C5AR1: variants seen among roughly 807,000 people sequenced by gnomAD.
C5AR1 encodes C5a anaphylatoxin chemotactic receptor 1.
A neutral mutation model predicts 2.4 loss-of-function variants in C5AR1; 4 were observed. That is an observed-to-expected ratio of 1.65 (90% CI 0.81 to 3.77). The LOEUF (loss-of-function observed/expected upper bound fraction) is 3.77. C5AR1 is among the 30% of genes most tolerant of loss of function. The pLI is 0.01. For missense variants in C5AR1, 418 were observed against 462.5 expected (o/e 0.90, Z 0.88); for synonymous variants, 209 against 210.4 (o/e 0.99, Z 0.06).
At chr19:47,314,168 T>C (rs1229205868) in intron 1 of C5AR1, among the ~76,000 whole-genome samples, 1 of 152,182 alleles carries the variant, frequency 6.6e-6, no homozygotes, top group African/African-American at 2.4e-5. Context: ...GTTCCTCTAA[T>C]GAGCATGTGA....
intron 1 of C5AR1, 144 bp from the exon 2 acceptor site, chr19:47,319,637 T>C (rs1330511490): frequency 1.6e-5 from 10 of 630,124 alleles, no homozygotes; most frequent in Middle Eastern, 3.4e-4. Flanking sequence ...TGTGACACCC[T>C]AGTTGACTCT....
Position 47,321,474 on chromosome 19 carries a change from G to T in C5AR1, c.*644G>T, listed in dbSNP as rs201827619. ...AAATACAAAAAATTAACTGGGCATG[G>T]TAGTGGGTGCCTGTAATCCCAGCTA... On this transcript the variant is annotated 3_prime_UTR_variant, in exon 2 of 2. Coordinates refer to ENST00000355085, the MANE Select transcript of C5AR1 (RefSeq NM_001736.4). The T allele has an allele frequency of 9.6e-4, 146 of 151,748 alleles. No homozygotes were observed. The highest frequency in any genetic ancestry group is 1.9e-3 in the Non-Finnish European group (128 of 68,072). 9.4% of individuals were successfully genotyped at this position (151,748 alleles called of 1,614,324 possible). A position where few individuals can be genotyped will look rare whatever the true frequency, so the allele number is the denominator to read the frequency against.
At chr19:47,310,124 T>C (rs544981434) in intron 1 of C5AR1, among the ~76,000 whole-genome samples, 5 of 152,192 alleles carry the variant, frequency 3.3e-5, no homozygotes, top group African/African-American at 1.2e-4. Flanking sequence ...GTCAAGATTG[T>C]GGGAGCAACA....
rs201363451 is a variant in C5AR1 at position 47,320,267 on chromosome 19, G to C, written c.490G>C (p.Ala164Pro). The change falls in exon 2 of 2, where the codon GCC becomes CCC. Residue 164 changes from alanine to proline, a missense_variant. Physicochemically the swap from Ala to Pro is conservative, Grantham distance 27. Transcript: ENST00000355085. This position sits in a 1 kb window ranked among gnomAD's most constrained non-coding sequence, Gnocchi z 4.9. ...WIACAVAWGL[A>P]LLLTIPSFLY... ...CGCCTGTGCCGTGGCTTGGGGTTTA[G>C]CCCTGCTGCTGACCATACCCTCCTT... is the stretch of plus-strand genomic sequence containing the variant. The C allele has an allele frequency of 3.1e-6, 5 of 1,613,570 alleles. No individual in the cohort carries two copies. Among genetic ancestry groups the C allele is most frequent in the Non-Finnish European group, 4.2e-6 (5 of 1,180,036 alleles).
intron 1 of C5AR1, among the ~76,000 whole-genome samples, chr19:47,316,759 C>G (rs2059290368): frequency 6.6e-6 from 1 of 151,986 alleles, no homozygotes. Context: ...TTCATTCACT[C>G]ATTAGCAGAT....
At chr19:47,314,122 C>T (rs1290514039) in intron 1 of C5AR1, among the ~76,000 whole-genome samples, 3 of 152,330 alleles carry the variant, frequency 2.0e-5, no homozygotes, top group African/African-American at 7.2e-5. Context: ...CCAGCTTCTG[C>T]TCTCTGCCCC....
At chr19:47,312,138 T>C (rs2059273020) in intron 1 of C5AR1, among the ~76,000 whole-genome samples, 1 of 152,160 alleles carries the variant, frequency 6.6e-6, no homozygotes, top group East Asian at 1.9e-4. Context: ...CAGGCTAGAG[T>C]GCAGTGGTGT....
chr19:47,319,497 C>T (rs112656249), intron 1 of C5AR1, among the ~76,000 whole-genome samples: 14 of 151,026 alleles, frequency 9.3e-5, no homozygotes, highest in African/African-American at 1.9e-4. Flanking sequence ...TCAGTAGAGA[C>T]GGGGTTTTGC....
intron 1 of C5AR1, among the ~76,000 whole-genome samples, chr19:47,314,393 T>G (rs2059279618): frequency 6.6e-6 from 1 of 152,156 alleles, no homozygotes. Context: ...TTATTTTATT[T>G]TACTTTATTT....
At chr19:47,314,043 G>A (rs114744841) in intron 1 of C5AR1, among the ~76,000 whole-genome samples, 4 of 152,164 alleles carry the variant, frequency 2.6e-5, no homozygotes, top group African/African-American at 7.2e-5. Context: ...CACATCTTGC[G>A]GCCAGCACCC....
chr19:47,311,418 A>G (rs988242955), intron 1 of C5AR1, among the ~76,000 whole-genome samples: 16 of 152,058 alleles, frequency 1.1e-4, no homozygotes, highest in Admixed American at 3.3e-4. Context: ...CTGAGGCACG[A>G]CAATCGCTTG....
chr19:47,314,877 A>G (rs1459329672), intron 1 of C5AR1, among the ~76,000 whole-genome samples: 1 of 152,042 alleles, frequency 6.6e-6, no homozygotes, highest in Non-Finnish European at 1.5e-5. Context: ...TATTTTTAGT[A>G]GAGACGGGGT....
At position 47,320,785 on chromosome 19, in the gene C5AR1, G is replaced by A. The variant is rs142511245; in HGVS notation, c.1008G>A (p.Thr336=). The A allele has an allele frequency of 1.2e-5, 20 of 1,614,038 alleles. No homozygotes were observed. Among genetic ancestry groups the A allele is most frequent in the East Asian group, 8.9e-5 (4 of 44,888 alleles). Residue 336 remains threonine (T), a synonymous_variant, in exon 2 of 2, where the codon ACG becomes ACA. Transcript: ENST00000355085. The surrounding 1 kb of genome is among the most constrained non-coding windows in gnomAD (Gnocchi z 4.9). Reference sequence around the variant, plus strand: ...TGGTTAGGGAGAGCAAGTCATTCACGCGCTCCACAGTGGACACTATGGCCC... The same window carrying A: ...TGGTTAGGGAGAGCAAGTCATTCACACGCTCCACAGTGGACACTATGGCCC... The part of the protein sequence containing the change: ...ESVVRESKSF[T]RSTVDTMAQK...
At chr19:47,317,530 A>ATG (rs2059293899) in intron 1 of C5AR1, among the ~76,000 whole-genome samples, 2 of 148,554 alleles carry the variant, frequency 1.3e-5, no homozygotes, top group East Asian at 2.0e-4. Flanking sequence ...ATATATATAT[A>ATG]TATATAGTGG....
upstream of C5AR1, among the ~76,000 whole-genome samples, chr19:47,307,940 C>T (rs1166592011): frequency 5.3e-5 from 8 of 151,848 alleles, no homozygotes; most frequent in Non-Finnish European, 7.4e-5. Flanking sequence ...CCAGGCCGGG[C>T]GCAGTGGCTC....
At chr19:47,309,519 G>C (rs1208526105), upstream of C5AR1, among the ~76,000 whole-genome samples, 5 of 149,694 alleles carry the variant, frequency 3.3e-5, no homozygotes, top group East Asian at 6.0e-4. Flanking sequence ...AGGTTACAGA[G>C]AGCCGAGATT....
rs2059302132 is a variant in C5AR1 at position 47,319,798 on chromosome 19, C to T, written c.21C>T (p.Thr7=). The part of the protein sequence containing the change: MDSFNY[T]TPDYGHYDDK... Reference sequence around the variant, plus strand: ...CCCCTTAGGACTCCTTCAATTATACCACCCCTGATTATGGGCACTATGATG... The same window carrying T: ...CCCCTTAGGACTCCTTCAATTATACTACCCCTGATTATGGGCACTATGATG... The change falls in exon 2 of 2, where the codon ACC becomes ACT. Residue 7 remains threonine (T), a synonymous_variant. Coordinates refer to ENST00000355085, the MANE Select transcript of C5AR1 (RefSeq NM_001736.4). The T allele has an allele frequency of 1.9e-6, 3 of 1,609,994 alleles. No individual in the cohort carries two copies. Among genetic ancestry groups the T allele is most frequent in the Admixed American group, 1.7e-5 (1 of 59,928 alleles).
At position 47,320,757 on chromosome 19, in the gene C5AR1, C is replaced by G; in HGVS notation, c.980C>G (p.Ser327Cys). 1 of 1,614,108 alleles carries G rather than the reference C, an allele frequency of 6.2e-7. No homozygotes were observed. The highest frequency in any genetic ancestry group is 8.5e-7 in the Non-Finnish European group (1 of 1,180,022). Reference protein sequence around the residue: ...SLLRNVLTEESVVRESKSFTR... With the variant: ...SLLRNVLTEECVVRESKSFTR... ...CTCCGGAACGTGTTGACTGAAGAGT[C>G]CGTGGTTAGGGAGAGCAAGTCATTC... is the stretch of plus-strand genomic sequence containing the variant. Residue 327 changes from serine (S) to cysteine (C), a missense_variant, in exon 2 of 2, where the codon TCC (serine) becomes TGC (cysteine). Ser to Cys is a moderately radical substitution (Grantham distance 112). Transcript: ENST00000355085. This position sits in a 1 kb window ranked among gnomAD's most constrained non-coding sequence, Gnocchi z 4.9.
At position 47,309,864 on chromosome 19, in the gene C5AR1, T is replaced by TTCGATCC. The variant is rs761464655; in HGVS notation, c.-28_-22dup. 2 of 1,612,006 alleles carry TTCGATCC rather than the reference T, an allele frequency of 1.2e-6. No individual in the cohort carries two copies. The highest frequency in any genetic ancestry group is 2.2e-5 in the East Asian group (1 of 44,578). ...CCACAGCCCTTGGGCAGGAGGGACCTTCGATCCTCGGGGAGCCCAGGAGAC... is the reference window on the plus strand; with the variant it reads ...CCACAGCCCTTGGGCAGGAGGGACCTTCGATCCTCGATCCTCGGGGAGCCCAGGAGAC... On this transcript the variant is annotated 5_prime_UTR_variant, in exon 1 of 2. Coordinates refer to ENST00000355085, the MANE Select transcript of C5AR1 (RefSeq NM_001736.4).
Sources: gnomAD v4.1 joint callset for allele counts (sites outside exome capture counted in the v4.1 genomes callset) on GRCh38, gnomAD v4.1.1 for gene constraint, Gnocchi (gnomAD v3.1) non-coding constraint, MANE v1.5 for transcripts, NCBI Gene and HGNC (gene_info 2026-07-23, HGNC 2026-07-21) for gene names.